Variants in ATXN2 observed in about 807,000 individuals in gnomAD.
ATXN2 encodes ataxin 2, also known as ataxin-2.
ATXN2 carries 37 observed loss-of-function variants against 138.6 expected under a neutral mutation model. The observed-to-expected ratio is 0.27, with a 90% CI of 0.21 to 0.35. The LOEUF is 0.35. Ranked by LOEUF, ATXN2 falls within the 10% of genes least tolerant of loss-of-function variation. The probability of loss-of-function intolerance (pLI) is 1.00; values close to 1 mark genes in which losing one functional copy is unlikely to be tolerated. For missense variants in ATXN2, 1,216 were observed against 1,480.3 expected (o/e 0.82, Z 2.93); for synonymous variants, 549 against 543.7 (o/e 1.01, Z -0.13).
intron 6 of ATXN2, among the ~76,000 whole-genome samples, chr12:111,522,071 G>A (rs920032320): frequency 5.3e-5 from 8 of 151,998 alleles, no homozygotes; most frequent in Non-Finnish European, 7.4e-5. Context: ...GGCTTGCCTC[G>A]AAGTTCACCT....
chr12:111,529,272 A>G (rs1880674467), intron 5 of ATXN2, among the ~76,000 whole-genome samples: 1 of 152,258 alleles, frequency 6.6e-6, no homozygotes, highest in Non-Finnish European at 1.5e-5. Context: ...CATAAGTCAA[A>G]GAATATTAAT....
intron 1 of ATXN2, among the ~76,000 whole-genome samples, chr12:111,590,746 T>C (rs1884614053): frequency 6.6e-6 from 1 of 151,788 alleles, no homozygotes; most frequent in South Asian, 2.1e-4. Flanking sequence ...GTGTGAGCAT[T>C]AGCACCTGAG....
chr12:111,581,472 T>TG, intron 1 of ATXN2: 1 of 940,476 alleles, frequency 1.1e-6, no homozygotes, highest in Non-Finnish European at 1.7e-6. Context: ...GTGGCTGTGC[T>TG]GGGGGCACCC....
chr12:111,521,768 TG>T (rs1039635638), intron 6 of ATXN2, among the ~76,000 whole-genome samples: 51 of 151,924 alleles, frequency 3.4e-4, no homozygotes, highest in Admixed American at 7.2e-4. Flanking sequence ...CTTTTTTTGG[TG>T]GGGGGGAGCC....
At chr12:111,584,241 G>T (rs979879016) in intron 1 of ATXN2, among the ~76,000 whole-genome samples, 8 of 151,450 alleles carry the variant, frequency 5.3e-5, no homozygotes, top group African/African-American at 1.7e-4. Flanking sequence ...AATTAGCCAG[G>T]CATGGTAGCG....
In ATXN2 at chr12:111,567,779, A is replaced by T. The variant is rs58098153; in HGVS notation, c.252-11860T>A. 3.8e-3 allele frequency among the ~76,000 whole-genome samples: 582 copies of T among 152,226 alleles called. 5 individuals are homozygous for T. Among genetic ancestry groups the T allele is most frequent in the African/African-American group, 0.014 (565 of 41,526 alleles). On this transcript the variant is annotated intron_variant, in intron 1 of 24. Coordinates refer to ENST00000673436, the MANE Select transcript of ATXN2 (RefSeq NM_001372574.1). ...CAGTGGGCCGAGATTGGGCCACTGC[A>T]CTCCAGCCTGGGCAACAGACTGTCT...
chr12:111,590,549 A>T (rs1315871570), intron 1 of ATXN2, among the ~76,000 whole-genome samples: 1 of 151,922 alleles, frequency 6.6e-6, no homozygotes, highest in Non-Finnish European at 1.5e-5. Flanking sequence ...GCTGGGCATC[A>T]CAGTGTGCGC....
At chr12:111,542,407 T>G (rs1309821391) in intron 5 of ATXN2, among the ~76,000 whole-genome samples, 3 of 151,438 alleles carry the variant, frequency 2.0e-5, no homozygotes, top group African/African-American at 7.3e-5. Context: ...ATTTTTGTAT[T>G]TTTAGTAGAG....
At chr12:111,496,452 CT>C (rs1878425947) in intron 14 of ATXN2, among the ~76,000 whole-genome samples, 1 of 152,084 alleles carries the variant, frequency 6.6e-6, no homozygotes, top group Non-Finnish European at 1.5e-5. Flanking sequence ...AGAAGAATCA[CT>C]TGAACTGGGG....
intron 1 of ATXN2, among the ~76,000 whole-genome samples, chr12:111,576,128 A>C (rs1226343675): frequency 2.8e-4 from 36 of 130,046 alleles, no homozygotes; most frequent in Non-Finnish European, 5.1e-4. Flanking sequence ...AACATAACAT[A>C]ACATAACATC....
At chr12:111,454,984 G>C (rs1488652252) in intron 23 of ATXN2, 3 of 701,028 alleles carry the variant, frequency 4.3e-6, no homozygotes, top group Admixed American at 4.0e-5. Context: ...CTACACCACA[G>C]AACCTAAACT....
chr12:111,459,785 G>A (rs1344783561), intron 21 of ATXN2, among the ~76,000 whole-genome samples: 5 of 151,680 alleles, frequency 3.3e-5, no homozygotes, highest in Admixed American at 6.6e-5. Flanking sequence ...ACCCAGGCTG[G>A]AGTGCAGTGG....
intron 1 of ATXN2, among the ~76,000 whole-genome samples, chr12:111,560,384 A>G (rs1882615856): frequency 6.6e-6 from 1 of 152,164 alleles, no homozygotes; most frequent in Non-Finnish European, 1.5e-5. Flanking sequence ...GAGGGACTAG[A>G]GCATCCATAA....
intron 17 of ATXN2, 24 bp from the exon 18 acceptor site, chr12:111,485,355 T>A (rs1460299498): frequency 6.3e-7 from 1 of 1,582,348 alleles, no homozygotes; most frequent in Non-Finnish European, 8.7e-7. Context: ...AAAAAAAAAT[T>A]AACATTAGGC....
chr12:111,521,998 G>T (rs2071954477), intron 6 of ATXN2, among the ~76,000 whole-genome samples: 1 of 152,150 alleles, frequency 6.6e-6, no homozygotes, highest in South Asian at 2.1e-4. Context: ...AGTAAAGGTT[G>T]TAATCCATCC....
At chr12:111,531,228 C>T (rs1374956601) in intron 5 of ATXN2, among the ~76,000 whole-genome samples, 1 of 151,954 alleles carries the variant, frequency 6.6e-6, no homozygotes, top group African/African-American at 2.4e-5. Flanking sequence ...TCCTGGCCAA[C>T]ATGGTGAAAC....
intron 5 of ATXN2, among the ~76,000 whole-genome samples, chr12:111,533,022 T>C (rs1394168802): frequency 1.3e-5 from 2 of 152,082 alleles, no homozygotes; most frequent in South Asian, 4.1e-4. Flanking sequence ...GAGAACACTG[T>C]GAGGGGCAAG....
rs963166082 is a variant in ATXN2, at chr12:111,452,676, C to T, written c.*136G>A. The T allele has an allele frequency of 2.7e-5, 28 of 1,027,822 alleles. No individual in the cohort carries two copies. In the South Asian group the frequency reaches 3.8e-4, roughly 14 times the overall value. The allele number at this position is 1,027,822 out of a possible 1,614,324, so 63.7% of individuals were successfully genotyped here. ...CACTGCAAGTGAACTGTTAGCATTC[C>T]TATTGGATGTTACAAGAAATCAACA... is the stretch of plus-strand genomic sequence containing the variant. On this transcript the variant is annotated 3_prime_UTR_variant, in exon 25 of 25. Transcript: ENST00000673436.
At chr12:111,569,139 A>C (rs563219283) in intron 1 of ATXN2, among the ~76,000 whole-genome samples, 1 of 152,322 alleles carries the variant, frequency 6.6e-6, no homozygotes, top group Admixed American at 6.5e-5. Flanking sequence ...ACAAGAACTA[A>C]TATCAGCATT....
Sources: allele counts gnomAD v4.1 joint callset (sites outside exome capture counted in the v4.1 genomes callset), GRCh38; gene constraint gnomAD v4.1.1; transcripts MANE v1.5; gene names NCBI Gene and HGNC (gene_info 2026-07-23, HGNC 2026-07-21).